RNF157: variants seen among roughly 807,000 people sequenced by gnomAD.
The protein encoded by RNF157 is ring finger protein 157, also known as E3 ubiquitin ligase RNF157.
In RNF157, 55 loss-of-function variants were observed where a neutral mutation model predicts 88.3. The observed-to-expected ratio is 0.62, with a 90% CI of 0.50 to 0.78. The LOEUF (loss-of-function observed/expected upper bound fraction) is 0.78, where lower values mean the gene tolerates loss of function less well. Among genes scored for constraint, RNF157 ranks in the 30% least tolerant of loss-of-function variants. The pLI is 0.00. For synonymous variants in RNF157, 334 were observed against 341.2 expected (o/e 0.98, Z 0.23); for missense variants, 788 against 860.8 (o/e 0.92, Z 1.06).
intron 1 of RNF157, among the ~76,000 whole-genome samples, chr17:76,222,730 G>A (rs561350045): frequency 2.0e-5 from 3 of 152,220 alleles, no homozygotes; most frequent in Admixed American, 2.0e-4. Context: ...TTGAACCGAA[G>A]GTCTGGCTAA....
At chr17:76,235,112 A>C (rs1032373863) in intron 1 of RNF157, among the ~76,000 whole-genome samples, 2 of 152,206 alleles carry the variant, frequency 1.3e-5, no homozygotes, top group Admixed American at 1.3e-4. Context: ...ATAGTCCTCC[A>C]ACTTTGTTCC....
At chr17:76,212,277 G>A in intron 2 of RNF157, 87 bp downstream of exon 2, 1 of 909,026 alleles carries the variant, frequency 1.1e-6, no homozygotes. Context: ...ACAAACTGCT[G>A]AACAAGCAAC....
At position 76,162,618 on chromosome 17, in the gene RNF157, G is replaced by A. The variant is rs750091733; in HGVS notation, c.726C>T (p.Asp242=). The change falls in exon 9 of 19, where the codon GAC becomes GAT. Residue 242 remains aspartate (D), a synonymous_variant. Transcript: ENST00000269391. ...TCTCCTGAAGGAGGTAGCTGACCCC[G>A]TCTACCTGAACAGCAAACAGAAAGG... The part of the protein sequence containing the change: ...VKPLKQKQVV[D]GVSYLLQEIY... The A allele has an allele frequency of 2.0e-5, 33 of 1,610,112 alleles. No homozygotes were observed. The highest frequency in any genetic ancestry group is 1.8e-4 in the South Asian group (16 of 90,356).
chr17:76,190,045 T>C (rs114912174), intron 2 of RNF157, among the ~76,000 whole-genome samples: 1,826 of 152,024 alleles, frequency 0.012, 29 homozygotes, highest in African/African-American at 0.042. Context: ...GTTCACAGGG[T>C]GGTGTGGGGC....
chr17:76,159,570 A>G lies in RNF157; in HGVS notation c.1069T>C (p.Ser357Pro). Reference protein sequence around the residue: ...QTSDSEEHPSSENIPPGYEVV... With the variant: ...QTSDSEEHPSPENIPPGYEVV... ...TCATAGCCTGGTGGAATATTCTCTG[A>G]GGACTAGGGGAATCAGAGACAGGTT... The change falls in exon 12 of 19, where the codon TCA becomes CCA. Residue 357 changes from serine to proline, a missense_variant. By Grantham distance (74) the Ser-to-Pro change is moderately conservative. Coordinates refer to ENST00000269391, the MANE Select transcript of RNF157 (RefSeq NM_052916.3). 6.3e-7 allele frequency: 1 copy of G among 1,593,562 alleles called. No homozygotes were observed. The highest frequency in any genetic ancestry group is 1.1e-5 in the South Asian group (1 of 87,612).
chr17:76,186,980 T>A (rs953808186), intron 2 of RNF157, among the ~76,000 whole-genome samples: 36 of 148,130 alleles, frequency 2.4e-4, no homozygotes, highest in South Asian at 2.1e-4. Flanking sequence ...AATAAATAAA[T>A]AAAATCTCAA....
intron 2 of RNF157, among the ~76,000 whole-genome samples, chr17:76,190,716 G>A (rs1236809330): frequency 1.3e-5 from 2 of 151,140 alleles, no homozygotes; most frequent in East Asian, 2.0e-4. Flanking sequence ...TCAGGAGATC[G>A]AGACCACGAT....
chr17:76,173,340 T>C (rs1388596060), intron 3 of RNF157, among the ~76,000 whole-genome samples: 5 of 152,234 alleles, frequency 3.3e-5, no homozygotes, highest in East Asian at 1.9e-4. Flanking sequence ...GGATTTGATA[T>C]TCTAAGTTCA....
At chr17:76,175,714 G>C (rs1488462639) in intron 2 of RNF157, 8 of 969,742 alleles carry the variant, frequency 8.2e-6, no homozygotes, top group Non-Finnish European at 9.8e-6. Context: ...ATTTTCATTT[G>C]TACAGGTACT....
chr17:76,206,734 G>A (rs760821805), intron 2 of RNF157, among the ~76,000 whole-genome samples: 2 of 152,064 alleles, frequency 1.3e-5, no homozygotes, highest in Admixed American at 6.6e-5. Context: ...CACTGCAATC[G>A]GCTCACTCCA....
intron 2 of RNF157, among the ~76,000 whole-genome samples, chr17:76,208,032 C>G: frequency 6.6e-6 from 1 of 152,150 alleles, no homozygotes; most frequent in East Asian, 1.9e-4. Context: ...CCTCCCACCT[C>G]AGTCTCCTGA....
intron 2 of RNF157, among the ~76,000 whole-genome samples, chr17:76,196,200 C>A (rs951384877): frequency 8.5e-5 from 13 of 152,184 alleles, no homozygotes; most frequent in Admixed American, 2.6e-4. Flanking sequence ...CTGAGCAAAG[C>A]CAAGGACCCT....
chr17:76,205,370 G>C (rs1215105683), intron 2 of RNF157, among the ~76,000 whole-genome samples: 1 of 151,922 alleles, frequency 6.6e-6, no homozygotes, highest in Non-Finnish European at 1.5e-5. Context: ...CTGGCCTCAA[G>C]TGATCCTCCC....
intron 6 of RNF157, 25 bp downstream of exon 6, chr17:76,166,436 C>T (rs118159721): frequency 0.016 from 25,734 of 1,603,098 alleles, 256 homozygotes; most frequent in South Asian, 0.026. Context: ...TGTGCACAGC[C>T]AAAGAGGACA....
chr17:76,183,965 G>A (rs888881769), intron 2 of RNF157, among the ~76,000 whole-genome samples: 18 of 152,060 alleles, frequency 1.2e-4, no homozygotes, highest in Non-Finnish European at 2.2e-4. Context: ...TGAGGTGGGC[G>A]GGTTGGTTGA....
chr17:76,207,482 A>G (rs1251508547), intron 2 of RNF157, among the ~76,000 whole-genome samples: 3 of 152,112 alleles, frequency 2.0e-5, no homozygotes, highest in Non-Finnish European at 4.4e-5. Flanking sequence ...CTGTGGTGCG[A>G]AGTACAGCTC....
intron 1 of RNF157, among the ~76,000 whole-genome samples, chr17:76,224,840 G>A (rs2070051874): frequency 6.6e-6 from 1 of 152,172 alleles, no homozygotes; most frequent in Non-Finnish European, 1.5e-5. Flanking sequence ...ATGGGGCGTG[G>A]GTTGTACAAA....
intron 2 of RNF157, among the ~76,000 whole-genome samples, chr17:76,181,083 G>A (rs890882672): frequency 6.6e-5 from 10 of 152,122 alleles, no homozygotes; most frequent in African/African-American, 2.2e-4. Context: ...CAGAGCTAAT[G>A]AGCAGCAGAA....
chr17:76,190,172 T>C (rs865912876), intron 2 of RNF157, among the ~76,000 whole-genome samples: 57 of 145,784 alleles, frequency 3.9e-4, no homozygotes, highest in East Asian at 1.4e-3. Flanking sequence ...TGCTCTCTCT[T>C]TTTTTTTTTT....
Sources: gnomAD v4.1 joint callset for allele counts (sites outside exome capture counted in the v4.1 genomes callset) on GRCh38, gnomAD v4.1.1 for gene constraint, MANE v1.5 for transcripts, NCBI Gene and HGNC (gene_info 2026-07-23, HGNC 2026-07-21) for gene names.